TTC7B: variants seen among roughly 807,000 people sequenced by gnomAD.
TTC7B encodes the protein tetratricopeptide repeat protein 7B.
TTC7B carries 28 observed loss-of-function variants against 106.8 expected under a neutral mutation model. The observed-to-expected ratio is 0.26, with a 90% CI of 0.19 to 0.36. The LOEUF is 0.36. Among genes scored for constraint, TTC7B ranks in the 10% least tolerant of loss-of-function variants. The probability of loss-of-function intolerance (pLI) is 1.00; values close to 1 mark genes in which losing one functional copy is unlikely to be tolerated. For synonymous variants in TTC7B, 405 were observed against 430.6 expected, an observed-to-expected ratio of 0.94 and a Z score of 0.74; for missense variants, 862 against 1,076.4, an observed-to-expected ratio of 0.80 and a Z score of 2.79.
intron 4 of TTC7B, among the ~76,000 whole-genome samples, chr14:90,732,669 C>T (rs1056386823): frequency 7.2e-5 from 11 of 152,074 alleles, no homozygotes; most frequent in East Asian, 1.9e-4. Flanking sequence ...TGAGCCACTG[C>T]GCCTGGCTCC....
rs532508013 is a variant in TTC7B, at chr14:90,768,530, A to G, written c.445+12208T>C. On this transcript the variant is annotated intron_variant, in intron 3 of 19. Coordinates refer to ENST00000328459, the MANE Select transcript of TTC7B (RefSeq NM_001010854.2). ...CAGATCCCTCCCTCAACACATGGGT[A>G]TTACAATTTAAAATGAGATCTGAAT... Among the ~76,000 whole-genome samples, 85 of 152,356 alleles carry G rather than the reference A, an allele frequency of 5.6e-4. 2 individuals are homozygous for G. In the South Asian group the frequency reaches 0.017, roughly 30 times the overall value.
intron 18 of TTC7B, among the ~76,000 whole-genome samples, chr14:90,593,008 CACTGTCAAGATGTG>C: frequency 6.6e-6 from 1 of 152,320 alleles, no homozygotes; most frequent in East Asian, 1.9e-4. Flanking sequence ...TCCAAGAATT[CACTGTCAAGATGTG>C]CCAGGCATTG....
intron 16 of TTC7B, among the ~76,000 whole-genome samples, chr14:90,611,643 C>T (rs1892880777): frequency 6.6e-6 from 1 of 152,124 alleles, no homozygotes; most frequent in African/African-American, 2.4e-5. Context: ...CTACCAGCTT[C>T]CTGCACTGCC....
chr14:90,790,294 GA>G lies in TTC7B; in HGVS notation c.122-3967del, dbSNP rs537883565. On this transcript the variant is annotated intron_variant, in intron 1 of 19. Coordinates refer to ENST00000328459, the MANE Select transcript of TTC7B (RefSeq NM_001010854.2). Reference sequence around the variant, plus strand: ...GCAAAATTCTTTTATATCACTTTTAGAAAAAAAAAAAAGTAACTCTTCTTTA... The same window carrying G: ...GCAAAATTCTTTTATATCACTTTTAGAAAAAAAAAAAGTAACTCTTCTTTA... 9.7e-3 allele frequency among the ~76,000 whole-genome samples: 1,332 copies of G among 138,018 alleles called. 22 individuals are homozygous for G. Among genetic ancestry groups the G allele is most frequent in the African/African-American group, 0.033 (1,238 of 37,594 alleles). 90.5% of individuals were successfully genotyped at this position (138,018 alleles called of 152,430 possible). A position where few individuals can be genotyped will look rare whatever the true frequency, so the allele number is the denominator to read the frequency against.
chr14:90,635,223 C>CACT (rs1418916694), intron 15 of TTC7B, among the ~76,000 whole-genome samples: 7 of 152,020 alleles, frequency 4.6e-5, no homozygotes, highest in Non-Finnish European at 1.5e-5. Context: ...CTTGGGTAAT[C>CACT]ACTAAAGAAG....
chr14:90,786,057 A>T, intron 2 of TTC7B, 117 bp downstream of exon 2: 1 of 1,216,398 alleles, frequency 8.2e-7, no homozygotes, highest in Non-Finnish European at 1.1e-6. Context: ...TTCTAAGAAG[A>T]CAAGCCCTGG....
chr14:90,634,252 T>G (rs1230860530), intron 15 of TTC7B, among the ~76,000 whole-genome samples: 1 of 152,208 alleles, frequency 6.6e-6, no homozygotes, highest in Admixed American at 6.5e-5. Context: ...CTTTTCATCC[T>G]TTTGTTTAGA....
intron 5 of TTC7B, chr14:90,698,463 A>G (rs1887853443): frequency 1.3e-5 from 2 of 152,204 alleles, no homozygotes; most frequent in African/African-American, 4.8e-5. Flanking sequence ...GAATCTCCCA[A>G]TCTCCCTGTT....
intron 19 of TTC7B, among the ~76,000 whole-genome samples, chr14:90,566,831 T>C (rs1890820164): frequency 6.6e-6 from 1 of 152,174 alleles, no homozygotes; most frequent in African/African-American, 2.4e-5. Flanking sequence ...CTTGGAGTGT[T>C]CTGGACATTG....
In TTC7B at chr14:90,763,620, C is replaced by T. The variant is rs1482235028; in HGVS notation, c.445+17118G>A. Among the ~76,000 whole-genome samples, 3 of 152,094 alleles carry T rather than the reference C, an allele frequency of 2.0e-5. No homozygotes were observed. In the South Asian group the frequency reaches 6.2e-4, roughly 32 times the overall value. On this transcript the variant is annotated intron_variant, in intron 3 of 19. Transcript: ENST00000328459. ...ACATATTTTAAAGCCCTAAAGAATC[C>T]ACAAAAACAATATAATAGCTAATAA...
chr14:90,736,266 T>C (rs902536865), intron 4 of TTC7B, among the ~76,000 whole-genome samples: 1 of 152,098 alleles, frequency 6.6e-6, no homozygotes, highest in Non-Finnish European at 1.5e-5. Flanking sequence ...GAAAAAATTT[T>C]TGTTTTCTGT....
rs995690708 is a variant in TTC7B, at chr14:90,525,990, A to T, written c.*15378T>A. The T allele has an allele frequency of 2.1e-5, 3 of 143,348 alleles. No homozygotes were observed. Among genetic ancestry groups the T allele is most frequent in the African/African-American group, 7.6e-5 (3 of 39,360 alleles). 8.9% of individuals were successfully genotyped at this position (143,348 alleles called of 1,614,324 possible). Reference sequence around the variant, plus strand: ...AAAAAAAAATAAAAAAAATAAAAAAAAAAAAGAAGTCTTTGTATTTTATAT... The same window carrying T: ...AAAAAAAAATAAAAAAAATAAAAAATAAAAAGAAGTCTTTGTATTTTATAT... On this transcript the variant is annotated 3_prime_UTR_variant, in exon 20 of 20. Transcript: ENST00000328459.
At position 90,742,289 on chromosome 14, in the gene TTC7B, C is replaced by T. The variant is rs889923814; in HGVS notation, c.576+2503G>A. Among the ~76,000 whole-genome samples, 4 of 151,618 alleles carry T rather than the reference C, an allele frequency of 2.6e-5. No homozygotes were observed. The highest frequency in any genetic ancestry group is 9.7e-5 in the African/African-American group (4 of 41,276). On this transcript the variant is annotated intron_variant, in intron 4 of 19. Coordinates refer to ENST00000328459, the MANE Select transcript of TTC7B (RefSeq NM_001010854.2). The surrounding 1 kb of genome is among the most constrained non-coding windows in gnomAD (Gnocchi z 4.1). The stretch of plus-strand genomic sequence containing the variant: ...CTTTTGTTTCTCTCTCTCTCCTTCC[C>T]TCCCTTCCTCCCTCCCTCCTTTCTC...
rs563674490 is a variant in TTC7B at position 90,593,639 on chromosome 14, T to G, written c.1967-13A>C. On this transcript the variant is annotated splice_polypyrimidine_tract_variant and intron_variant, in intron 17 of 19. Transcript: ENST00000328459. ...GCATGGACGGAGCCTGTGAGAGGTT[T>G]TTGAGAAGACTCTATCAGGAGCGAA... The G allele has an allele frequency of 1.3e-6, 2 of 1,581,426 alleles. No individual in the cohort carries two copies. The highest frequency in any genetic ancestry group is 2.3e-5 in the South Asian group (2 of 86,778).
intron 17 of TTC7B, chr14:90,593,951 A>G: frequency 5.1e-6 from 1 of 197,666 alleles, no homozygotes; most frequent in Non-Finnish European, 1.0e-5. Context: ...GAAGTGCTAT[A>G]AGGGGACATT....
At chr14:90,763,269 A>G (rs1890560895) in intron 3 of TTC7B, among the ~76,000 whole-genome samples, 1 of 152,250 alleles carries the variant, frequency 6.6e-6, no homozygotes, top group Non-Finnish European at 1.5e-5. Flanking sequence ...TATTTAAAAA[A>G]TAAAGCACAA....
chr14:90,737,602 G>GGA (rs1195310878), intron 4 of TTC7B, among the ~76,000 whole-genome samples: 1 of 136,852 alleles, frequency 7.3e-6, no homozygotes, highest in East Asian at 2.1e-4. Context: ...CACCCAGGCT[G>GGA]GAGTGCAGTG....
At position 90,771,366 on chromosome 14, in the gene TTC7B, C is replaced by T. The variant is rs1276996552; in HGVS notation, c.445+9372G>A. ...ATCCCAGCACTTTGAGAGGTCAAGG[C>T]GGGAGGCTCGCTTAAGCCCAGGAGT... On this transcript the variant is annotated intron_variant, in intron 3 of 19. Coordinates refer to ENST00000328459, the MANE Select transcript of TTC7B (RefSeq NM_001010854.2). Among the ~76,000 whole-genome samples the T allele has an allele frequency of 6.6e-5, 10 of 152,072 alleles. No homozygotes were observed. The South Asian group carries it at 8.3e-4, about 13-fold the overall frequency.
intron 18 of TTC7B, among the ~76,000 whole-genome samples, chr14:90,586,756 C>G (rs1209360775): frequency 1.3e-5 from 2 of 152,194 alleles, no homozygotes; most frequent in Non-Finnish European, 2.9e-5. Context: ...CAGCCGCCTG[C>G]CTGGCATCCT....
Sources: gnomAD v4.1 joint callset for allele counts (sites outside exome capture counted in the v4.1 genomes callset) on GRCh38, gnomAD v4.1.1 for gene constraint, Gnocchi (gnomAD v3.1) non-coding constraint, MANE v1.5 for transcripts, NCBI Gene and HGNC (gene_info 2026-07-23, HGNC 2026-07-21) for gene names.